Variants in SLC41A3 observed in about 807,000 individuals in gnomAD.
The protein encoded by SLC41A3 is SLC41A1-like 2.
In SLC41A3, 44 loss-of-function variants were observed where a neutral mutation model predicts 45.4. The observed-to-expected ratio is 0.97, with a 90% CI of 0.76 to 1.25. SLC41A3 has a LOEUF of 1.25. Ranked by LOEUF, SLC41A3 falls within the 50% of genes most tolerant of loss-of-function variation. SLC41A3 has a pLI of 0.00. For missense variants in SLC41A3, 550 were observed against 600.6 expected, an observed-to-expected ratio of 0.92 and a Z score of 0.88; for synonymous variants, 256 against 252.4, an observed-to-expected ratio of 1.01 and a Z score of -0.13.
At chr3:126,049,998 C>T (rs2107878982) in intron 3 of SLC41A3, among the ~76,000 whole-genome samples, 1 of 152,276 alleles carries the variant, frequency 6.6e-6, no homozygotes. Context: ...TCTGAAACGT[C>T]CCTCTGTTCC....
chr3:126,086,408 G>GGTT (rs776330275), upstream of SLC41A3, among the ~76,000 whole-genome samples: 611 of 21,154 alleles, frequency 0.029, 17 homozygotes, highest in Non-Finnish European at 0.051. Context: ...TTGTTTTCTT[G>GGTT]TTTTTTTTTT....
chr3:126,058,973 A>G (rs973081883), intron 2 of SLC41A3, among the ~76,000 whole-genome samples: 3 of 151,690 alleles, frequency 2.0e-5, no homozygotes, highest in Non-Finnish European at 2.9e-5. Flanking sequence ...AGAATTCCCA[A>G]CGTACTCTCT....
chr3:126,100,616 T>C (rs568753193), intron 1 of SLC41A3, among the ~76,000 whole-genome samples: 48 of 152,364 alleles, frequency 3.2e-4, no homozygotes, highest in Non-Finnish European at 4.4e-4. Flanking sequence ...CATTATATTA[T>C]AAAACATTTT....
Position 126,008,797 on chromosome 3 carries a change from C to G in SLC41A3, c.1189G>C (p.Glu397Gln). ...LIFFYIIYLV[E>Q]GQSVINSQTF... The stretch of plus-strand genomic sequence containing the variant: ...TGGCTGTTTATGACTGACTGACCCT[C>G]CACCAGGTAGATGATGTAGAAGAAA... The change falls in exon 10 of 11, where the codon GAG (glutamate) becomes CAG (glutamine). Residue 397 changes from glutamate to glutamine, a missense_variant. Transcript: ENST00000360370. 2 of 1,614,134 alleles carry G rather than the reference C, an allele frequency of 1.2e-6. No individual in the cohort carries two copies. The highest frequency in any genetic ancestry group is 2.7e-5 in the African/African-American group (2 of 75,044).
chr3:126,095,954 G>T (rs1463410795), intron 1 of SLC41A3, among the ~76,000 whole-genome samples: 1 of 152,156 alleles, frequency 6.6e-6, no homozygotes, highest in African/African-American at 2.4e-5. Flanking sequence ...AACCTCAAAT[G>T]ATATGGCTTG....
intron 4 of SLC41A3, 147 bp downstream of exon 4, chr3:126,033,460 A>T: frequency 1.2e-6 from 1 of 814,370 alleles, no homozygotes; most frequent in Non-Finnish European, 2.0e-6. Flanking sequence ...AATGTGGTCT[A>T]TTGGATGTGG....
chr3:126,043,381 C>T (rs1045833217), intron 3 of SLC41A3, among the ~76,000 whole-genome samples: 1 of 151,878 alleles, frequency 6.6e-6, no homozygotes, highest in African/African-American at 2.4e-5. Flanking sequence ...ATCTGCCCTA[C>T]AAGAAATGGT....
At position 126,068,340 on chromosome 3, in the gene SLC41A3, G is replaced by A. The variant is rs529385044; in HGVS notation, c.-27-94C>T. The A allele has an allele frequency of 5.6e-5, 68 of 1,221,462 alleles. No homozygotes were observed. In the African/African-American group the frequency reaches 8.3e-4, roughly 15 times the overall value. The allele number at this position is 1,221,462 out of a possible 1,614,324, so 75.7% of individuals were successfully genotyped here. On this transcript the variant is annotated intron_variant, in intron 1 of 10. Coordinates refer to ENST00000360370, the MANE Select transcript of SLC41A3 (RefSeq NM_017836.4). ...TCAGGCACCTGTCCAGCCCCAGGCC[G>A]GCATGGTCCCATCCAACCCACAGCC...
At chr3:126,032,121 G>T (rs964388044) in intron 4 of SLC41A3, among the ~76,000 whole-genome samples, 1 of 152,220 alleles carries the variant, frequency 6.6e-6, no homozygotes, top group African/African-American at 2.4e-5. Context: ...GAAGATGCAC[G>T]GCAGGGAGGT....
At chr3:126,081,574 A>G (rs891775136) in intron 1 of SLC41A3, among the ~76,000 whole-genome samples, 1 of 152,262 alleles carries the variant, frequency 6.6e-6, no homozygotes, top group Non-Finnish European at 1.5e-5. Context: ...TACAAGTTAC[A>G]TGAACGTGTT....
At chr3:126,094,588 A>C (rs1945557490) in intron 1 of SLC41A3, among the ~76,000 whole-genome samples, 1 of 152,234 alleles carries the variant, frequency 6.6e-6, no homozygotes, top group Non-Finnish European at 1.5e-5. Flanking sequence ...TAATTCCAAA[A>C]AAATGGCCTT....
chr3:126,021,161 T>C lies in SLC41A3; in HGVS notation c.745+1625A>G, dbSNP rs540612934. ...CGCCCGCCTTGGCCTCCCAAAGTGC[T>C]GGGATTACAGGCGTGAGCCACCGCG... On this transcript the variant is annotated intron_variant, in intron 6 of 10. Transcript: ENST00000360370. Among the ~76,000 whole-genome samples, 42 of 152,342 alleles carry C rather than the reference T, an allele frequency of 2.8e-4. 1 individual carries two copies. In the South Asian group the frequency reaches 6.0e-3, roughly 22 times the overall value.
intron 1 of SLC41A3, among the ~76,000 whole-genome samples, chr3:126,081,857 G>A (rs58274173): frequency 0.077 from 11,800 of 152,326 alleles, 615 homozygotes; most frequent in Middle Eastern, 0.17. Context: ...CCAAGAGTGC[G>A]CAGCCACTGT....
At chr3:126,011,639 T>C (rs1261104946) in intron 9 of SLC41A3, among the ~76,000 whole-genome samples, 1 of 152,202 alleles carries the variant, frequency 6.6e-6, no homozygotes, top group Non-Finnish European at 1.5e-5. Context: ...ATACATATCA[T>C]AATCCAACTC....
At chr3:126,029,835 C>T (rs1236117302) in intron 4 of SLC41A3, among the ~76,000 whole-genome samples, 1 of 151,988 alleles carries the variant, frequency 6.6e-6, no homozygotes, top group Admixed American at 6.6e-5. Flanking sequence ...CTGACAGAAA[C>T]AAATAGATCA....
chr3:126,068,105 C>G lies in SLC41A3; in HGVS notation c.115G>C (p.Ala39Pro), dbSNP rs1170030996. The G allele has an allele frequency of 2.5e-6, 4 of 1,613,610 alleles. No homozygotes were observed. The highest frequency in any genetic ancestry group is 3.4e-6 in the Non-Finnish European group (4 of 1,179,904). Residue 39 changes from alanine to proline, a missense_variant, in exon 2 of 11, where the codon GCT (alanine) becomes CCT (proline). Coordinates refer to ENST00000360370, the MANE Select transcript of SLC41A3 (RefSeq NM_017836.4). ...GGLPVASEDG[A>P]LRAPESQSVT... ...CTTTGGCTCTCAGGGGCCCTGAGAG[C>G]TCCATCTTCTGAGGCTACAGGGAGT...
chr3:126,061,291 G>A (rs900488367), intron 2 of SLC41A3, among the ~76,000 whole-genome samples: 2 of 152,096 alleles, frequency 1.3e-5, no homozygotes, highest in Non-Finnish European at 2.9e-5. Context: ...TTCTGATCTC[G>A]ACTGGCAGAA....
rs1939142443 is a variant in SLC41A3, at chr3:126,006,737, T to G, written c.*279A>C. On this transcript the variant is annotated 3_prime_UTR_variant, in exon 11 of 11. Transcript: ENST00000360370. ...TTTACCTTCTCAGGCCAGAACACCC[T>G]CCTCTCCACAAACGTGTGCACACTT... 2.8e-6 allele frequency: 4 copies of G among 1,446,072 alleles called. No individual in the cohort carries two copies. The highest frequency in any genetic ancestry group is 2.7e-6 in the Non-Finnish European group (3 of 1,104,152). The allele number at this position is 1,446,072 out of a possible 1,614,324, so 89.6% of individuals were successfully genotyped here.
intron 6 of SLC41A3, among the ~76,000 whole-genome samples, chr3:126,017,293 C>T (rs28399222): frequency 0.052 from 7,906 of 152,256 alleles, 643 homozygotes; most frequent in African/African-American, 0.17. Context: ...AGGAAGCAGA[C>T]GTGCAAAAAA....
Sources: gnomAD v4.1 joint callset for allele counts (sites outside exome capture counted in the v4.1 genomes callset) on GRCh38, gnomAD v4.1.1 for gene constraint, MANE v1.5 for transcripts, NCBI Gene and HGNC (gene_info 2026-07-23, HGNC 2026-07-21) for gene names.